Variants in MAN2A1 observed in about 807,000 individuals in gnomAD.
MAN2A1 encodes the protein alpha-mannosidase 2.
Under a neutral mutation model 142.6 loss-of-function variants are expected in MAN2A1, and 76 were observed. The observed-to-expected ratio is 0.53, with a 90% CI of 0.44 to 0.65. MAN2A1 has a LOEUF of 0.65. MAN2A1 is among the 30% of genes least tolerant of loss of function. MAN2A1 has a pLI of 0.00. For missense variants in MAN2A1, 1,311 were observed against 1,365.1 expected (o/e 0.96, Z 0.62); for synonymous variants, 559 against 473.2 (o/e 1.18, Z -2.35).
intron 3 of MAN2A1, among the ~76,000 whole-genome samples, chr5:109,724,150 T>C (rs1358155435): frequency 6.6e-6 from 1 of 152,192 alleles, no homozygotes; most frequent in African/African-American, 2.4e-5. Context: ...CATAAGTATA[T>C]GACTAGAAGT....
chr5:109,769,234 G>T (rs1427269157), intron 6 of MAN2A1, among the ~76,000 whole-genome samples: 1 of 152,124 alleles, frequency 6.6e-6, no homozygotes, highest in African/African-American at 2.4e-5. Context: ...CAGCACTGAA[G>T]TACATAGATT....
chr5:109,736,849 A>G (rs1039104669), intron 4 of MAN2A1, among the ~76,000 whole-genome samples: 4 of 152,068 alleles, frequency 2.6e-5, no homozygotes, highest in Admixed American at 2.6e-4. Flanking sequence ...GAGCCAGTCC[A>G]CTTAATAAGT....
chr5:109,737,303 G>T (rs1464922905), intron 4 of MAN2A1, among the ~76,000 whole-genome samples: 1 of 151,924 alleles, frequency 6.6e-6, no homozygotes, highest in Non-Finnish European at 1.5e-5. Flanking sequence ...TGTTGGCCAG[G>T]CTGGTCTTGA....
intron 5 of MAN2A1, among the ~76,000 whole-genome samples, chr5:109,765,495 C>T (rs1752965931): frequency 6.6e-6 from 1 of 152,102 alleles, no homozygotes; most frequent in Non-Finnish European, 1.5e-5. Context: ...ACTGGTAATA[C>T]TGGGAACAAC....
chr5:109,851,757 G>A (rs1238107553), intron 19 of MAN2A1, among the ~76,000 whole-genome samples: 4 of 152,130 alleles, frequency 2.6e-5, no homozygotes, highest in African/African-American at 9.7e-5. Flanking sequence ...CTACTGGTTG[G>A]TTAATGAGGC....
At chr5:109,822,198 G>A (rs1754644518) in intron 15 of MAN2A1, among the ~76,000 whole-genome samples, 1 of 144,778 alleles carries the variant, frequency 6.9e-6, no homozygotes, top group African/African-American at 2.5e-5. Flanking sequence ...AGTCAGTGAA[G>A]AATTAAAGAC....
rs1271651078 is a variant in MAN2A1, at chr5:109,767,661, A to C, written c.962A>C (p.His321Pro). The C allele has an allele frequency of 6.2e-7, 1 of 1,613,602 alleles. No homozygotes were observed. The change falls in exon 6 of 22, where the codon CAC becomes CCC. Residue 321 changes from histidine to proline, a missense_variant. Around this residue, in one of 3 missense-constraint regions of MAN2A1, gnomAD observed 409 missense variants for 412.7 expected, o/e 0.99. Transcript: ENST00000261483. ...AGAGTTCATTATGCAGTTAAAAAAC[A>C]CTTTGCACTGCATAAAACATTGGAG... ...IQRVHYAVKK[H>P]FALHKTLEFF...
At chr5:109,694,781 A>ATAAC (rs1271967503) in intron 1 of MAN2A1, among the ~76,000 whole-genome samples, 2 of 152,200 alleles carry the variant, frequency 1.3e-5, no homozygotes, top group Non-Finnish European at 2.9e-5. Flanking sequence ...GGCAATACAT[A>ATAAC]TAACTAGGAC....
chr5:109,837,593 A>G (rs1363693082), intron 16 of MAN2A1, among the ~76,000 whole-genome samples: 2 of 152,164 alleles, frequency 1.3e-5, no homozygotes, highest in African/African-American at 2.4e-5. Flanking sequence ...AGGAGTCATT[A>G]TATGTAAAGC....
In MAN2A1 at chr5:109,823,835, A is replaced by G. The variant is rs369101585; in HGVS notation, c.2564A>G (p.Gln855Arg). Residue 855 changes from glutamine (Q) to arginine (R), a missense_variant and splice_region_variant, in exon 16 of 22, where the codon CAG becomes CGG. This residue lies in a region of MAN2A1 where 890 missense variants were observed against 920.5 expected (regional missense o/e 0.97). Transcript: ENST00000261483. ...CATAGAGTCCGACTATACCACATAC[A>G]GGGTAAGAAAATAGGAATGCAGTTA... ...VTHRVRLYHI[Q>R]GIEGQSVEVS... The G allele has an allele frequency of 6.7e-7, 1 of 1,488,632 alleles. No homozygotes were observed. The highest frequency in any genetic ancestry group is 1.4e-5 in the African/African-American group (1 of 70,052). The allele number at this position is 1,488,632 out of a possible 1,614,324, so 92.2% of individuals were successfully genotyped here.
intron 1 of MAN2A1, among the ~76,000 whole-genome samples, chr5:109,710,918 G>A (rs548033211): frequency 2.0e-5 from 3 of 152,106 alleles, no homozygotes; most frequent in Non-Finnish European, 4.4e-5. Context: ...TCAAACTCCC[G>A]AACTCAGGTG....
intron 15 of MAN2A1, among the ~76,000 whole-genome samples, chr5:109,822,038 G>A (rs1754637862): frequency 6.6e-6 from 1 of 151,328 alleles, no homozygotes; most frequent in Non-Finnish European, 1.5e-5. Flanking sequence ...AGTTACTTTT[G>A]TTCCACAAGT....
chr5:109,792,826 T>C (rs1412754331), intron 12 of MAN2A1, among the ~76,000 whole-genome samples: 1 of 152,036 alleles, frequency 6.6e-6, no homozygotes, highest in African/African-American at 2.4e-5. Flanking sequence ...CTGCCAGTAC[T>C]TACACATGGC....
chr5:109,789,884 T>C (rs1281646671), intron 12 of MAN2A1, among the ~76,000 whole-genome samples: 1 of 151,882 alleles, frequency 6.6e-6, no homozygotes, highest in Admixed American at 6.6e-5. Flanking sequence ...TCCCTGATCC[T>C]ATTTTTATAT....
intron 4 of MAN2A1, among the ~76,000 whole-genome samples, chr5:109,745,463 A>G (rs1752375463): frequency 6.6e-6 from 1 of 152,122 alleles, no homozygotes; most frequent in South Asian, 2.1e-4. Flanking sequence ...TTTATTCTTT[A>G]ACGTCTTTCA....
intron 12 of MAN2A1, among the ~76,000 whole-genome samples, chr5:109,798,894 G>T (rs556443599): frequency 6.6e-6 from 1 of 151,990 alleles, no homozygotes; most frequent in Non-Finnish European, 1.5e-5. Flanking sequence ...GGGTTTCACC[G>T]TGTTAGTCAG....
At chr5:109,750,681 G>A (rs1006326968) in intron 4 of MAN2A1, among the ~76,000 whole-genome samples, 10 of 152,014 alleles carry the variant, frequency 6.6e-5, no homozygotes, top group African/African-American at 2.4e-4. Context: ...TGAAAAACCT[G>A]TATGAGCATA....
At chr5:109,833,211 T>A (rs1754969878) in intron 16 of MAN2A1, among the ~76,000 whole-genome samples, 1 of 144,904 alleles carries the variant, frequency 6.9e-6, no homozygotes, top group African/African-American at 2.6e-5. Flanking sequence ...GAGGGGCTCC[T>A]CACATCCCAG....
chr5:109,785,440 A>G (rs1027242307), intron 10 of MAN2A1, among the ~76,000 whole-genome samples: 2 of 151,842 alleles, frequency 1.3e-5, no homozygotes, highest in Non-Finnish European at 2.9e-5. Flanking sequence ...TCATATGTGG[A>G]TGATATAAGC....
Sources: gnomAD v4.1 joint callset for allele counts (sites outside exome capture counted in the v4.1 genomes callset) on GRCh38, gnomAD v4.1.1 for gene constraint, gnomAD v4.1.1 regional missense constraint, MANE v1.5 for transcripts, NCBI Gene and HGNC (gene_info 2026-07-23, HGNC 2026-07-21) for gene names.